BMPR1B: variants seen among roughly 807,000 people sequenced by gnomAD.
BMPR1B encodes the protein bone morphogenetic protein receptor type 1B, also known as bone morphogenetic protein receptor type-1B.
A neutral mutation model predicts 59.1 loss-of-function variants in BMPR1B; 12 were observed. The observed-to-expected ratio is 0.20, with a 90% CI of 0.13 to 0.33. BMPR1B has a LOEUF of 0.33. Among genes scored for constraint, BMPR1B ranks in the 10% least tolerant of loss-of-function variants. The probability of loss-of-function intolerance (pLI) is 1.00; values close to 1 mark genes in which losing one functional copy is unlikely to be tolerated. For missense variants in BMPR1B, 550 were observed against 610.9 expected (o/e 0.90, Z 1.05); for synonymous variants, 237 against 207.3 (o/e 1.14, Z -1.23).
At chr4:94,927,582 C>T (rs1728939507) in intron 2 of BMPR1B, among the ~76,000 whole-genome samples, 1 of 152,050 alleles carries the variant, frequency 6.6e-6, no homozygotes, top group Admixed American at 6.6e-5. Context: ...GCAGAAATAG[C>T]ATAGTGATGT....
At chr4:94,923,860 T>A (rs1728789962) in intron 2 of BMPR1B, among the ~76,000 whole-genome samples, 1 of 152,108 alleles carries the variant, frequency 6.6e-6, no homozygotes, top group South Asian at 2.1e-4. Context: ...TCTTTGACTG[T>A]GATTTCCGGA....
At chr4:95,125,156 T>A in intron 8 of BMPR1B, 35 bp downstream of exon 8, 1 of 1,612,076 alleles carries the variant, frequency 6.2e-7, no homozygotes, top group South Asian at 1.1e-5. Context: ...TTAAAGGAAA[T>A]GTTTTCTGAA....
chr4:94,890,661 T>C (rs1541369), intron 2 of BMPR1B, among the ~76,000 whole-genome samples: 94,242 of 151,874 alleles, frequency 0.62, 31,106 homozygotes, highest in African/African-American at 0.85. Flanking sequence ...ATCAGGATGC[T>C]AACATGGTTG....
chr4:95,109,871 C>A (rs374813490), intron 4 of BMPR1B, among the ~76,000 whole-genome samples: 1 of 128,718 alleles, frequency 7.8e-6, no homozygotes, highest in South Asian at 3.2e-4. Context: ...TCCCCCCACC[C>A]CACAACAGTC....
intron 2 of BMPR1B, among the ~76,000 whole-genome samples, chr4:94,916,783 A>G (rs1287063840): frequency 6.6e-6 from 1 of 152,246 alleles, no homozygotes; most frequent in Non-Finnish European, 1.5e-5. Flanking sequence ...AAAAAAGCCA[A>G]GTGCCCATAT....
At chr4:95,004,608 A>G (rs1231749113) in intron 3 of BMPR1B, among the ~76,000 whole-genome samples, 2 of 152,244 alleles carry the variant, frequency 1.3e-5, no homozygotes, top group African/African-American at 4.8e-5. Flanking sequence ...TCAGGTGAAT[A>G]TTTGCTTTTT....
chr4:95,053,135 T>TG (rs1296485141), intron 3 of BMPR1B, among the ~76,000 whole-genome samples: 1 of 152,202 alleles, frequency 6.6e-6, no homozygotes, highest in African/African-American at 2.4e-5. Flanking sequence ...AACCTTAGAA[T>TG]GTCCCTTAAC....
At chr4:94,825,193 A>G (rs1386899993) in intron 1 of BMPR1B, among the ~76,000 whole-genome samples, 1 of 152,114 alleles carries the variant, frequency 6.6e-6, no homozygotes, top group South Asian at 2.1e-4. Context: ...TTAGCAGCAG[A>G]TACCACTTTC....
At chr4:94,871,460 G>A (rs1726495141) in intron 1 of BMPR1B, among the ~76,000 whole-genome samples, 1 of 152,004 alleles carries the variant, frequency 6.6e-6, no homozygotes, top group Non-Finnish European at 1.5e-5. Context: ...CATGTTTCTT[G>A]ATTTATGAAG....
At chr4:95,006,823 G>A (rs1432025901) in intron 3 of BMPR1B, among the ~76,000 whole-genome samples, 1 of 152,098 alleles carries the variant, frequency 6.6e-6, no homozygotes, top group African/African-American at 2.4e-5. Context: ...ACAGGCATGA[G>A]CCACCACGCC....
At chr4:94,994,687 A>T (rs1255382345) in intron 2 of BMPR1B, among the ~76,000 whole-genome samples, 1 of 144,638 alleles carries the variant, frequency 6.9e-6, no homozygotes, top group African/African-American at 2.4e-5. Context: ...GTTAATTCTT[A>T]TGTGTAACTT....
rs1448502278 is a variant in BMPR1B, at chr4:95,155,214, C to G, written c.*541C>G. The G allele has an allele frequency of 6.4e-6, 1 of 157,058 alleles. No individual in the cohort carries two copies. Among genetic ancestry groups the G allele is most frequent in the Non-Finnish European group, 1.4e-5 (1 of 71,266 alleles). The allele number at this position is 157,058 out of a possible 1,614,324, so 9.7% of individuals were successfully genotyped here. A position where few individuals can be genotyped will look rare whatever the true frequency, so the allele number is the denominator to read the frequency against. ...ATACTCCCCACCCCGTCTTGGCCTC[C>G]TCAGACCACTTTGGCCATCCCTGCA... On this transcript the variant is annotated 3_prime_UTR_variant, in exon 13 of 13. Transcript: ENST00000515059.
At chr4:95,143,447 G>GTC (rs537689501) in intron 10 of BMPR1B, among the ~76,000 whole-genome samples, 15 of 151,562 alleles carry the variant, frequency 9.9e-5, no homozygotes, top group African/African-American at 2.7e-4. Context: ...TAATTTTCTT[G>GTC]TCTCTCTCTC....
intron 1 of BMPR1B, among the ~76,000 whole-genome samples, chr4:94,833,119 A>G (rs535357558): frequency 6.6e-6 from 1 of 151,212 alleles, no homozygotes; most frequent in African/African-American, 2.4e-5. Flanking sequence ...TGAACCCACA[A>G]GTTCGAGTCT....
At position 95,157,563 on chromosome 4, in the gene BMPR1B, G is replaced by C. The variant is rs1189839094; in HGVS notation, c.*2890G>C. The C allele has an allele frequency of 1.3e-5, 2 of 151,530 alleles. No homozygotes were observed. The highest frequency in any genetic ancestry group is 2.9e-5 in the Non-Finnish European group (2 of 67,876). 9.4% of individuals were successfully genotyped at this position (151,530 alleles called of 1,614,324 possible). On this transcript the variant is annotated 3_prime_UTR_variant, in exon 13 of 13. Coordinates refer to ENST00000515059, the MANE Select transcript of BMPR1B (RefSeq NM_001203.3). Reference sequence around the variant, plus strand: ...TCAAAGGAATCCTAAATTATTAGTTGTTAGATAAGTTTTGTATGCTAAGAT... The same window carrying C: ...TCAAAGGAATCCTAAATTATTAGTTCTTAGATAAGTTTTGTATGCTAAGAT...
chr4:95,130,092 T>G, intron 9 of BMPR1B, 38 bp downstream of exon 9: 1 of 1,599,972 alleles, frequency 6.3e-7, no homozygotes, highest in South Asian at 1.1e-5. Flanking sequence ...CAGGGTTTCC[T>G]AGCTTTCCTC....
chr4:94,856,803 G>C (rs1386256237), intron 1 of BMPR1B, among the ~76,000 whole-genome samples: 1 of 152,194 alleles, frequency 6.6e-6, no homozygotes, highest in African/African-American at 2.4e-5. Context: ...CCAGGTGAGG[G>C]CCTATCATCC....
At chr4:94,841,588 C>G (rs1725082646) in intron 1 of BMPR1B, among the ~76,000 whole-genome samples, 1 of 152,186 alleles carries the variant, frequency 6.6e-6, no homozygotes, top group Non-Finnish European at 1.5e-5. Flanking sequence ...CCTTGCGCTT[C>G]CCGAGTGAGG....
intron 3 of BMPR1B, among the ~76,000 whole-genome samples, chr4:95,100,423 T>C (rs1292460187): frequency 6.6e-6 from 1 of 152,176 alleles, no homozygotes; most frequent in East Asian, 1.9e-4. Context: ...CAAAGTTCAA[T>C]GCCATACTTA....
Sources: gnomAD v4.1 joint callset for allele counts (sites outside exome capture counted in the v4.1 genomes callset) on GRCh38, gnomAD v4.1.1 for gene constraint, MANE v1.5 for transcripts, NCBI Gene and HGNC (gene_info 2026-07-23, HGNC 2026-07-21) for gene names.